PTPRT: variants seen among roughly 807,000 people sequenced by gnomAD.
The protein encoded by PTPRT is receptor-type tyrosine-protein phosphatase T.
In PTPRT, 56 loss-of-function variants were observed where a neutral mutation model predicts 176.8. The ratio of observed to expected loss-of-function variants is 0.32; its 90% CI spans 0.26 to 0.40. The LOEUF (loss-of-function observed/expected upper bound fraction) is 0.40. Ranked by LOEUF, PTPRT falls within the 10% of genes least tolerant of loss-of-function variation. The pLI is 1.00. For missense variants in PTPRT, 1,540 were observed against 1,908.2 expected (o/e 0.81, Z 3.60); for synonymous variants, 783 against 739.0 (o/e 1.06, Z -0.96).
intron 7 of PTPRT, among the ~76,000 whole-genome samples, chr20:42,627,960 G>A (rs890560130): frequency 1.3e-5 from 2 of 152,120 alleles, no homozygotes; most frequent in African/African-American, 2.4e-5. Context: ...CACTTTTATA[G>A]GCAAGGTTTC....
At chr20:42,880,866 G>C (rs1276553561) in intron 2 of PTPRT, among the ~76,000 whole-genome samples, 1 of 152,194 alleles carries the variant, frequency 6.6e-6, no homozygotes, top group East Asian at 1.9e-4. Context: ...AGTAGTTGTG[G>C]TTTTTGCCAT....
intron 8 of PTPRT, among the ~76,000 whole-genome samples, chr20:42,456,161 T>A (rs1219970958): frequency 1.3e-5 from 2 of 152,030 alleles, no homozygotes; most frequent in Non-Finnish European, 2.9e-5. Flanking sequence ...ATATTTTTAT[T>A]GCTATTGTAC....
Position 42,183,121 on chromosome 20 carries a change from A to G in PTPRT, c.2491+16119T>C, listed in dbSNP as rs141958267. 5.3e-5 allele frequency among the ~76,000 whole-genome samples: 8 copies of G among 152,204 alleles called. No individual in the cohort carries two copies. The East Asian group carries it at 1.4e-3, about 26-fold the overall frequency. On this transcript the variant is annotated intron_variant, in intron 16 of 30. Transcript: ENST00000373187. ...TCAATCCTTCCTTTCTACTTCTTAAAATCTATGTTAGCTCCTTGCAGAAAC... is the reference window on the plus strand; with the variant it reads ...TCAATCCTTCCTTTCTACTTCTTAAGATCTATGTTAGCTCCTTGCAGAAAC...
At chr20:42,396,653 C>T (rs1447843594) in intron 9 of PTPRT, among the ~76,000 whole-genome samples, 2 of 152,290 alleles carry the variant, frequency 1.3e-5, no homozygotes, top group African/African-American at 4.8e-5. Context: ...CCTCTGCCTC[C>T]CGGGTTCAAG....
At chr20:43,149,524 G>C (rs1357730449) in intron 1 of PTPRT, among the ~76,000 whole-genome samples, 1 of 152,236 alleles carries the variant, frequency 6.6e-6, no homozygotes, top group Non-Finnish European at 1.5e-5. Flanking sequence ...CTATTTAAGA[G>C]TGAAAGAGAC....
chr20:42,840,579 A>G (rs1245069668), intron 2 of PTPRT, among the ~76,000 whole-genome samples: 1 of 151,886 alleles, frequency 6.6e-6, no homozygotes, highest in African/African-American at 2.4e-5. Flanking sequence ...AGCTCAGCTA[A>G]TTTTTGTAAT....
chr20:42,985,215 C>T (rs1023793073), intron 1 of PTPRT, among the ~76,000 whole-genome samples: 2 of 151,986 alleles, frequency 1.3e-5, no homozygotes, highest in South Asian at 2.1e-4. Flanking sequence ...GTGGGAATAC[C>T]GCCGGGTGTG....
chr20:42,050,465 A>T, the PTPRT span, among the ~76,000 whole-genome samples: 1 of 152,080 alleles, frequency 6.6e-6, no homozygotes. Flanking sequence ...TCTAGCTCTG[A>T]GTCTCTGCTC....
At chr20:42,719,956 C>T (rs1052572466) in intron 6 of PTPRT, among the ~76,000 whole-genome samples, 9 of 152,168 alleles carry the variant, frequency 5.9e-5, no homozygotes, top group Non-Finnish European at 1.2e-4. Context: ...CAAAGGCCTC[C>T]GCCATGAACT....
At chr20:42,039,209 G>A in the PTPRT span, among the ~76,000 whole-genome samples, 1 of 152,208 alleles carries the variant, frequency 6.6e-6, no homozygotes, top group African/African-American at 2.4e-5. Context: ...TTTTAAAAAT[G>A]TTTATTTTAA....
At chr20:42,879,204 A>T (rs2078977331) in intron 2 of PTPRT, among the ~76,000 whole-genome samples, 2 of 152,140 alleles carry the variant, frequency 1.3e-5, no homozygotes, top group African/African-American at 4.8e-5. Context: ...GTGGCTTAAG[A>T]CAACAGAAAC....
intron 9 of PTPRT, among the ~76,000 whole-genome samples, chr20:42,381,289 G>A (rs188212212): frequency 2.0e-5 from 3 of 152,256 alleles, no homozygotes; most frequent in African/African-American, 7.2e-5. Context: ...CAGATGACTT[G>A]TATTGGACAA....
At chr20:42,656,380 C>T (rs570800206) in intron 7 of PTPRT, among the ~76,000 whole-genome samples, 3 of 152,054 alleles carry the variant, frequency 2.0e-5, no homozygotes, top group Non-Finnish European at 4.4e-5. Flanking sequence ...GGATTCCGCT[C>T]CAAATAGGGG....
At chr20:42,508,959 TTATAGA>T (rs916638239) in intron 7 of PTPRT, among the ~76,000 whole-genome samples, 1 of 139,214 alleles carries the variant, frequency 7.2e-6, no homozygotes, top group African/African-American at 2.6e-5. Flanking sequence ...TATATTTAAT[TTATAGA>T]TATAAATTAT....
chr20:42,861,018 AC>A (rs1222705778), intron 2 of PTPRT, among the ~76,000 whole-genome samples: 5 of 152,104 alleles, frequency 3.3e-5, no homozygotes, highest in Middle Eastern at 3.2e-3. Flanking sequence ...CACCACTTTC[AC>A]CCACCAACCT....
At chr20:43,145,071 T>C (rs1268756371) in intron 1 of PTPRT, among the ~76,000 whole-genome samples, 1 of 152,224 alleles carries the variant, frequency 6.6e-6, no homozygotes, top group Non-Finnish European at 1.5e-5. Context: ...CCTCTGCTTC[T>C]AATGAAACAC....
intron 1 of PTPRT, among the ~76,000 whole-genome samples, chr20:42,957,380 T>C (rs1218072426): frequency 6.6e-6 from 1 of 152,178 alleles, no homozygotes; most frequent in Non-Finnish European, 1.5e-5. Context: ...GTAAAGTAAA[T>C]GTATTTTTAA....
At chr20:42,194,233 G>T (rs1991110655) in intron 16 of PTPRT, among the ~76,000 whole-genome samples, 1 of 152,150 alleles carries the variant, frequency 6.6e-6, no homozygotes. Flanking sequence ...GTGCCACATG[G>T]CTTACAGCAC....
At chr20:42,862,457 T>C (rs533779944) in intron 2 of PTPRT, among the ~76,000 whole-genome samples, 33 of 152,154 alleles carry the variant, frequency 2.2e-4, no homozygotes, top group Non-Finnish European at 4.1e-4. Flanking sequence ...GGGTCTATTG[T>C]GTGTCCTCAA....
Sources: gnomAD v4.1 joint callset for allele counts (sites outside exome capture counted in the v4.1 genomes callset) on GRCh38, gnomAD v4.1.1 for gene constraint, MANE v1.5 for transcripts, NCBI Gene and HGNC (gene_info 2026-07-23, HGNC 2026-07-21) for gene names.